Variants in SEMA3F observed in about 807,000 individuals in gnomAD.
The protein encoded by SEMA3F is semaphorin-3F.
In SEMA3F, 30 loss-of-function variants were observed where a neutral mutation model predicts 98.5. That is an observed-to-expected ratio of 0.30 (90% CI 0.23 to 0.41). The LOEUF (loss-of-function observed/expected upper bound fraction) is 0.41. SEMA3F is among the 10% of genes least tolerant of loss of function. The pLI is 1.00. For synonymous variants in SEMA3F, 380 were observed against 444.8 expected (o/e 0.85, Z 1.83); for missense variants, 866 against 1,119.3 (o/e 0.77, Z 3.23).
rs745545035 is a variant in SEMA3F, at chr3:50,166,195, G to T, written c.112+6461G>T. Among the ~76,000 whole-genome samples, 41 of 148,748 alleles carry T rather than the reference G, an allele frequency of 2.8e-4. No homozygotes were observed. The highest frequency in any genetic ancestry group is 4.4e-4 in the Non-Finnish European group (30 of 67,660). ...ACATGCTCTTTCCTCGGACGTCTCT[G>T]TACCCAGCCAAGAGCCTTGTTCCTT... On this transcript the variant is annotated intron_variant, in intron 2 of 18. Transcript: ENST00000002829. This position sits in a 1 kb window ranked among gnomAD's most constrained non-coding sequence, Gnocchi z 4.7.
chr3:50,187,583 A>G (rs977688755), intron 18 of SEMA3F, 122 bp from the exon 19 acceptor site: 3 of 669,084 alleles, frequency 4.5e-6, no homozygotes, highest in Middle Eastern at 2.5e-4. Flanking sequence ...TTTTTCTGGC[A>G]TATGGAAATC....
rs1698001180 is a variant in SEMA3F, at chr3:50,156,744, G to A, written c.-49+1180G>A. ...TCCCCCTTCAGCTCCGAAGGAGCCA[G>A]GCCCGGAAGTGGGGAGGTGGGGGCC... On this transcript the variant is annotated intron_variant, in intron 1 of 18. Coordinates refer to ENST00000002829, the MANE Select transcript of SEMA3F (RefSeq NM_004186.5). This position sits in a 1 kb window ranked among gnomAD's most constrained non-coding sequence, Gnocchi z 4.5. Among the ~76,000 whole-genome samples the A allele has an allele frequency of 6.6e-6, 1 of 152,216 alleles. No individual in the cohort carries two copies. Among genetic ancestry groups the A allele is most frequent in the South Asian group, 2.1e-4 (1 of 4,832 alleles).
Position 50,156,525 on chromosome 3 carries a change from C to T in SEMA3F, c.-49+961C>T, listed in dbSNP as rs564896174. Among the ~76,000 whole-genome samples the T allele has an allele frequency of 6.6e-6, 1 of 152,332 alleles. No homozygotes were observed. The highest frequency in any genetic ancestry group is 2.1e-4 in the South Asian group (1 of 4,830). ...GGGGACCTCTGTCCTCCTGAATTCACCCAGATAGTCTCCCAGTAGTTATCC... is the reference window on the plus strand; with the variant it reads ...GGGGACCTCTGTCCTCCTGAATTCATCCAGATAGTCTCCCAGTAGTTATCC... On this transcript the variant is annotated intron_variant, in intron 1 of 18. Coordinates refer to ENST00000002829, the MANE Select transcript of SEMA3F (RefSeq NM_004186.5). This position sits in a 1 kb window ranked among gnomAD's most constrained non-coding sequence, Gnocchi z 4.5.
intron 1 of SEMA3F, among the ~76,000 whole-genome samples, chr3:50,157,101 A>C (rs1469498087): frequency 6.6e-6 from 1 of 150,698 alleles, no homozygotes; most frequent in Non-Finnish European, 1.5e-5. Flanking sequence ...CCTCCCTTCC[A>C]TCCAGGCAGT....
At chr3:50,174,674 C>T (rs775077183) in intron 5 of SEMA3F, among the ~76,000 whole-genome samples, 16 of 152,236 alleles carry the variant, frequency 1.1e-4, no homozygotes, top group African/African-American at 2.4e-5. Flanking sequence ...CCCCGACGGC[C>T]GAGCCAGAGG....
At chr3:50,178,829 CTTTTTTTTTT>C (rs1226887922) in intron 7 of SEMA3F, among the ~76,000 whole-genome samples, 1 of 75,160 alleles carries the variant, frequency 1.3e-5, no homozygotes, top group African/African-American at 5.0e-5. Flanking sequence ...AATTCTTTTT[CTTTTTTTTTT>C]TTTTTTTTTT....
rs996708245 is a variant in SEMA3F at position 50,157,881 on chromosome 3, G to A, written c.-48-1694G>A. Among the ~76,000 whole-genome samples the A allele has an allele frequency of 5.3e-5, 8 of 152,188 alleles. No individual in the cohort carries two copies. In the South Asian group the frequency reaches 1.4e-3, roughly 28 times the overall value. On this transcript the variant is annotated intron_variant, in intron 1 of 18. Transcript: ENST00000002829. ...ATGGGGAGGGGGGAGGCGGGAGGCA[G>A]GTTGACAGGAGCCCCCGTTACATAG...
At chr3:50,175,292 C>T in intron 6 of SEMA3F, 104 bp downstream of exon 6, 1 of 786,082 alleles carries the variant, frequency 1.3e-6, no homozygotes, top group Non-Finnish European at 2.2e-6. Flanking sequence ...TCCCCTCTAC[C>T]TCTGTGCCCA....
intron 2 of SEMA3F, among the ~76,000 whole-genome samples, chr3:50,161,664 T>C (rs1224174218): frequency 1.3e-5 from 2 of 152,246 alleles, no homozygotes; most frequent in Non-Finnish European, 2.9e-5. Flanking sequence ...AATTTTGTGC[T>C]TAGACTTCAC....
intron 2 of SEMA3F, among the ~76,000 whole-genome samples, chr3:50,165,397 G>A (rs1330308336): frequency 6.6e-6 from 1 of 152,198 alleles, no homozygotes; most frequent in Admixed American, 6.5e-5. Context: ...GATGCATTTG[G>A]CGGGAGTGAT....
At chr3:50,163,787 G>A (rs1175898457) in intron 2 of SEMA3F, among the ~76,000 whole-genome samples, 4 of 152,220 alleles carry the variant, frequency 2.6e-5, no homozygotes, top group Admixed American at 2.6e-4. Context: ...CTGGGCAAGG[G>A]TCAGGTGGCT....
At chr3:50,180,656 T>A (rs939983578) in intron 7 of SEMA3F, among the ~76,000 whole-genome samples, 4 of 152,188 alleles carry the variant, frequency 2.6e-5, no homozygotes, top group Non-Finnish European at 5.9e-5. Context: ...ATTTATCGAT[T>A]AAGTTCACTG....
chr3:50,183,848 G>T (rs1699110110), intron 12 of SEMA3F, among the ~76,000 whole-genome samples: 1 of 152,178 alleles, frequency 6.6e-6, no homozygotes, highest in African/African-American at 2.4e-5. Flanking sequence ...CGTCTTCCCT[G>T]CAGGTGCTGG....
At position 50,166,418 on chromosome 3, in the gene SEMA3F, G is replaced by A. The variant is rs1331154438; in HGVS notation, c.112+6684G>A. On this transcript the variant is annotated intron_variant, in intron 2 of 18. Transcript: ENST00000002829. This position sits in a 1 kb window ranked among gnomAD's most constrained non-coding sequence, Gnocchi z 4.7. ...AGCACTCCAGGGGGCCTCTCCCAGG[G>A]CTGCCTGTATTGCCATTTTTATCAG... Among the ~76,000 whole-genome samples, 1 of 152,216 alleles carries A rather than the reference G, an allele frequency of 6.6e-6. No homozygotes were observed. Among genetic ancestry groups the A allele is most frequent in the Non-Finnish European group, 1.5e-5 (1 of 68,042 alleles).
chr3:50,160,083 T>C (rs535300188), intron 2 of SEMA3F, among the ~76,000 whole-genome samples: 1 of 152,266 alleles, frequency 6.6e-6, no homozygotes, highest in African/African-American at 2.4e-5. Flanking sequence ...CTGCGGCCCC[T>C]CCTTGCCACT....
chr3:50,182,217 T>G lies in SEMA3F; in HGVS notation c.644-67T>G. 1 of 1,609,384 alleles carries G rather than the reference T, an allele frequency of 6.2e-7. No homozygotes were observed. The highest frequency in any genetic ancestry group is 1.1e-5 in the South Asian group (1 of 90,926). ...GGGAGATAAGGCCCTGCCCTGGAAG[T>G]CATCTGAGCTGTGCCCTGGCCCTAG... On this transcript the variant is annotated intron_variant, in intron 7 of 18. Coordinates refer to ENST00000002829, the MANE Select transcript of SEMA3F (RefSeq NM_004186.5). The surrounding 1 kb of genome is among the most constrained non-coding windows in gnomAD (Gnocchi z 4.5).
chr3:50,185,882 G>C lies in SEMA3F; in HGVS notation c.1588-7G>C. On this transcript the variant is annotated splice_region_variant and splice_polypyrimidine_tract_variant and intron_variant, in intron 15 of 18. Transcript: ENST00000002829. ...AGGAACTGACAAGGCCCTACCCTTT[G>C]CCCCAGCAACAACTCTACGTGGCGT... 6.2e-7 allele frequency: 1 copy of C among 1,609,878 alleles called. No individual in the cohort carries two copies. Among genetic ancestry groups the C allele is most frequent in the Non-Finnish European group, 8.5e-7 (1 of 1,177,000 alleles).
chr3:50,175,061 C>T, intron 5 of SEMA3F, 35 bp from the exon 6 acceptor site: 2 of 1,454,192 alleles, frequency 1.4e-6, no homozygotes, highest in South Asian at 1.2e-5. Flanking sequence ...GCCCCTGCCA[C>T]CCCCAGCTCT....
chr3:50,174,783 T>G (rs1698747423), intron 5 of SEMA3F, among the ~76,000 whole-genome samples: 1 of 152,176 alleles, frequency 6.6e-6, no homozygotes, highest in Non-Finnish European at 1.5e-5. Flanking sequence ...GCCAGGGTTG[T>G]GGGGAGCTGC....
Sources: allele counts gnomAD v4.1 joint callset (sites outside exome capture counted in the v4.1 genomes callset), GRCh38; gene constraint gnomAD v4.1.1; non-coding constraint Gnocchi (gnomAD v3.1); transcripts MANE v1.5; gene names NCBI Gene and HGNC (gene_info 2026-07-23, HGNC 2026-07-21).